Variants in PHKA1 observed in about 807,000 individuals in gnomAD.
The protein encoded by PHKA1 is phosphorylase b kinase regulatory subunit alpha, skeletal muscle isoform.
A neutral mutation model predicts 110.2 loss-of-function variants in PHKA1; 60 were observed. The ratio of observed to expected loss-of-function variants is 0.54; its 90% confidence interval spans 0.44 to 0.68. The LOEUF is 0.68. Ranked by LOEUF, PHKA1 falls within the 30% of genes least tolerant of loss-of-function variation. PHKA1 has a pLI of 0.00. For synonymous variants in PHKA1, 316 were observed against 333.6 expected (o/e 0.95, Z 0.58); for missense variants, 801 against 942.5 (o/e 0.85, Z 1.97).
In PHKA1 at chrX:72,662,960, C is replaced by CAT. The variant is rs782063997; in HGVS notation, c.864+3189_864+3190dup. On this transcript the variant is annotated intron_variant, in intron 8 of 31. Coordinates refer to ENST00000373542, the MANE Select transcript of PHKA1 (RefSeq NM_002637.4). ...AGAGGTACCTGCTCCACCAGATGTG[C>CAT]ATATATCAATTCAGGGACACAAGAA... is the stretch of plus-strand genomic sequence containing the variant. 6.5e-3 allele frequency among the ~76,000 whole-genome samples: 717 copies of CAT among 110,524 alleles called. 4 individuals carry two copies. Among genetic ancestry groups the CAT allele is most frequent in the African/African-American group, 0.022 (673 of 30,310 alleles).
intron 7 of PHKA1, 80 bp from the exon 8 acceptor site, chrX:72,666,377 T>C: frequency 1.2e-6 from 1 of 843,458 alleles, no homozygotes; most frequent in African/African-American, 2.0e-5. Context: ...ACACACATGA[T>C]ATCACTTTTG....
chrX:72,667,981 T>A (rs1161143816), intron 6 of PHKA1, among the ~76,000 whole-genome samples: 1 of 111,578 alleles, frequency 9.0e-6, no homozygotes, highest in African/African-American at 3.3e-5. Flanking sequence ...ACAGTTGAGA[T>A]CACATCTGGT....
At chrX:72,631,402 A>G (rs1016748600) in intron 16 of PHKA1, among the ~76,000 whole-genome samples, 1 of 109,777 alleles carries the variant, frequency 9.1e-6, no homozygotes, top group African/African-American at 3.3e-5. Flanking sequence ...CTCTGATACT[A>G]CTCCTAAGAG....
chrX:72,698,352 G>T (rs920197681), intron 3 of PHKA1, among the ~76,000 whole-genome samples: 1 of 112,228 alleles, frequency 8.9e-6, no homozygotes, highest in Non-Finnish European at 1.9e-5. Context: ...TACTAAAAAA[G>T]AATTGTCAAA....
chrX:72,698,476 T>A (rs943800205), intron 3 of PHKA1, among the ~76,000 whole-genome samples: 2 of 112,510 alleles, frequency 1.8e-5, no homozygotes, highest in Non-Finnish European at 3.8e-5. Flanking sequence ...ATACATTCTT[T>A]TGTTTTACAT....
At chrX:72,600,987 G>A (rs2052651045) in intron 28 of PHKA1, among the ~76,000 whole-genome samples, 1 of 112,052 alleles carries the variant, frequency 8.9e-6, no homozygotes, top group South Asian at 3.7e-4. Flanking sequence ...TTCATAAAAT[G>A]TGCTTCTAGG....
At chrX:72,638,019 A>G (rs1029603700) in intron 14 of PHKA1, among the ~76,000 whole-genome samples, 32 of 111,239 alleles carry the variant, frequency 2.9e-4, no homozygotes, top group African/African-American at 1.0e-3. Flanking sequence ...CTGTTTTCTT[A>G]ATTTCCTTGT....
At chrX:72,636,561 C>G (rs2053233476) in intron 14 of PHKA1, among the ~76,000 whole-genome samples, 175 bp from the exon 15 acceptor site, 3 of 111,907 alleles carry the variant, frequency 2.7e-5, no homozygotes, top group African/African-American at 9.7e-5. Flanking sequence ...TACAGTTTAG[C>G]ATTCTGAAAT....
In PHKA1 at chrX:72,691,503, C is replaced by T. The variant is rs935202452; in HGVS notation, c.454+4205G>A. Among the ~76,000 whole-genome samples the T allele has an allele frequency of 4.5e-5, 5 of 112,215 alleles. No homozygotes were observed. In the Admixed American group the frequency reaches 4.7e-4, roughly 11 times the overall value. ...TGTTGCCACATTAACAATAAATCTT[C>T]TGATCCTTGAATATAGATGTCTTTC... On this transcript the variant is annotated intron_variant, in intron 4 of 31. Coordinates refer to ENST00000373542, the MANE Select transcript of PHKA1 (RefSeq NM_002637.4).
At chrX:72,631,728 T>C (rs2053169183) in intron 16 of PHKA1, among the ~76,000 whole-genome samples, 1 of 111,318 alleles carries the variant, frequency 9.0e-6, no homozygotes, top group Non-Finnish European at 1.9e-5. Flanking sequence ...CTCTAGCTGA[T>C]CTGCCTGGTT....
At chrX:72,670,485 C>A (rs1253833757) in intron 6 of PHKA1, among the ~76,000 whole-genome samples, 3 of 111,982 alleles carry the variant, frequency 2.7e-5, no homozygotes, top group African/African-American at 6.5e-5. Context: ...GATGGATCCA[C>A]AGCAGAATTC....
Position 72,605,588 on chromosome X carries a change from T to C in PHKA1, c.2638A>G (p.Ile880Val). The change falls in exon 24 of 32, where the codon ATA (isoleucine) becomes GTA (valine). Residue 880 changes from isoleucine to valine, a missense_variant. Transcript: ENST00000373542. ...ATATCCCCTTCACTGGCTTCATCTA[T>C]CAGCTGAGTGAGCGCCTCATAGGGC... is the stretch of plus-strand genomic sequence containing the variant. ...PLPYEALTQL[I>V]DEASEGDMSI... 1 of 1,208,636 alleles carries C rather than the reference T, an allele frequency of 8.3e-7. No individual in the cohort carries two copies. Among genetic ancestry groups the C allele is most frequent in the East Asian group, 3.0e-5 (1 of 33,833 alleles).
At chrX:72,704,914 A>G (rs1556331741) in intron 3 of PHKA1, among the ~76,000 whole-genome samples, 3 of 111,964 alleles carry the variant, frequency 2.7e-5, no homozygotes, top group Non-Finnish European at 3.8e-5. Flanking sequence ...TTAAACCTGT[A>G]TCATCTTTTC....
At chrX:72,671,916 C>T (rs1206715323) in intron 6 of PHKA1, among the ~76,000 whole-genome samples, 1 of 111,882 alleles carries the variant, frequency 8.9e-6, no homozygotes, top group Non-Finnish European at 1.9e-5. Flanking sequence ...CCCTTCCTTA[C>T]ACCTTATACA....
intron 17 of PHKA1, among the ~76,000 whole-genome samples, chrX:72,626,760 C>T (rs782806564): frequency 5.4e-5 from 6 of 110,659 alleles, no homozygotes; most frequent in Admixed American, 9.6e-5. Flanking sequence ...GTTATGTGAA[C>T]GTAGTCTCTC....
chrX:72,609,766 C>CT (rs376211337), intron 22 of PHKA1, 63 bp from the exon 23 acceptor site: 4 of 825,307 alleles, frequency 4.8e-6, no homozygotes. Context: ...AAACATTTCT[C>CT]TTTTCAGCTG....
intron 8 of PHKA1, among the ~76,000 whole-genome samples, chrX:72,665,613 A>T (rs782669938): frequency 2.1e-4 from 23 of 112,056 alleles, no homozygotes; most frequent in Admixed American, 6.6e-4. Flanking sequence ...ATGAACATAG[A>T]TGCAAAAATC....
At chrX:72,633,842 C>T (rs1239225667) in intron 16 of PHKA1, among the ~76,000 whole-genome samples, 2 of 111,831 alleles carry the variant, frequency 1.8e-5, no homozygotes, top group Admixed American at 1.9e-4. Context: ...TTATTGAACC[C>T]TACCTTACTT....
chrX:72,698,002 T>C (rs1203812485), intron 3 of PHKA1, among the ~76,000 whole-genome samples: 1 of 110,072 alleles, frequency 9.1e-6, no homozygotes, highest in Non-Finnish European at 1.9e-5. Context: ...AAAAATTTTT[T>C]TTAAGTGCAC....
Sources: gnomAD v4.1 joint callset for allele counts (sites outside exome capture counted in the v4.1 genomes callset) on GRCh38, gnomAD v4.1.1 for gene constraint, MANE v1.5 for transcripts, NCBI Gene and HGNC (gene_info 2026-07-23, HGNC 2026-07-21) for gene names.